KIF23: variants seen among roughly 807,000 people sequenced by gnomAD.
KIF23 encodes kinesin-like protein KIF23.
In KIF23, 30 loss-of-function variants were observed where a neutral mutation model predicts 137.5. That is an observed-to-expected ratio of 0.22 (90% CI 0.16 to 0.30). The LOEUF is 0.30. Ranked by LOEUF, KIF23 falls within the 10% of genes least tolerant of loss-of-function variation. The pLI is 1.00. For synonymous variants in KIF23, 367 were observed against 391.1 expected, an observed-to-expected ratio of 0.94 and a Z score of 0.73; for missense variants, 920 against 1,194.3, an observed-to-expected ratio of 0.77 and a Z score of 3.38.
chr15:69,430,486 T>G (rs1167024948), intron 11 of KIF23, among the ~76,000 whole-genome samples: 5 of 152,168 alleles, frequency 3.3e-5, no homozygotes, highest in Admixed American at 1.3e-4. Context: ...CTAGATTGTT[T>G]GAGTAGAGTA....
intron 19 of KIF23, 82 bp downstream of exon 19, chr15:69,441,161 T>G: frequency 1.6e-6 from 2 of 1,255,082 alleles, no homozygotes; most frequent in Non-Finnish European, 1.1e-6. Context: ...TGAAAGTTCA[T>G]TGGAAAAATG....
At chr15:69,417,285 C>A in intron 2 of KIF23, 98 bp from the exon 3 acceptor site, 1 of 1,161,896 alleles carries the variant, frequency 8.6e-7, no homozygotes, top group Non-Finnish European at 1.2e-6. Flanking sequence ...AATTGAGAGA[C>A]TGAATGTTTG....
chr15:69,444,562 A>G lies in KIF23; in HGVS notation c.2422-228A>G. The G allele has an allele frequency of 2.0e-6, 1 of 497,300 alleles. No individual in the cohort carries two copies. The highest frequency in any genetic ancestry group is 2.9e-5 in the South Asian group (1 of 35,070). 30.8% of individuals were successfully genotyped at this position (497,300 alleles called of 1,614,324 possible). A position where few individuals can be genotyped will look rare whatever the true frequency, so the allele number is the denominator to read the frequency against. Reference sequence around the variant, plus strand: ...CAGCATTACCAGAATTTTTTCTTTTATCCTTTATTGAAAGGGAAACTCCCA... The same window carrying G: ...CAGCATTACCAGAATTTTTTCTTTTGTCCTTTATTGAAAGGGAAACTCCCA... On this transcript the variant is annotated intron_variant, in intron 19 of 23. Coordinates refer to ENST00000679126, the MANE Select transcript of KIF23 (RefSeq NM_001367805.3). The surrounding 1 kb of genome is among the most constrained non-coding windows in gnomAD (Gnocchi z 4.2).
intron 19 of KIF23, 150 bp downstream of exon 19, chr15:69,441,229 C>A (rs547701470): frequency 1.3e-6 from 1 of 777,838 alleles, no homozygotes; most frequent in Admixed American, 3.1e-5. Flanking sequence ...GATTGACTTA[C>A]GGAAATTGAG....
intron 15 of KIF23, among the ~76,000 whole-genome samples, chr15:69,437,564 G>A (rs1215294514): frequency 2.0e-5 from 3 of 150,288 alleles, no homozygotes; most frequent in Non-Finnish European, 2.9e-5. Context: ...GGGTTCAAGC[G>A]ATTTTCCTGC....
At position 69,439,547 on chromosome 15, in the gene KIF23, G is replaced by T. The variant is rs539833899; in HGVS notation, c.1756-357G>T. On this transcript the variant is annotated intron_variant, in intron 16 of 23. Coordinates refer to ENST00000679126, the MANE Select transcript of KIF23 (RefSeq NM_001367805.3). ...GTATGTCTGTTCTCTCATTTACAGA[G>T]GGTCATTTAGAGGTTTGGTGGGGGT... Among the ~76,000 whole-genome samples the T allele has an allele frequency of 9.2e-5, 14 of 152,244 alleles. 1 individual carries two copies. The East Asian group carries it at 2.7e-3, about 29-fold the overall frequency.
rs112860684 is a variant in KIF23, at chr15:69,416,069, G to A, written c.81+6G>A. On this transcript the variant is annotated splice_donor_region_variant and intron_variant, in intron 2 of 23. Coordinates refer to ENST00000679126, the MANE Select transcript of KIF23 (RefSeq NM_001367805.3). ...ACCTTAAAGACCCAGTTGGGGTAAG[G>A]TATCCCTGTAAATTTATGTGTGGTG... The A allele has an allele frequency of 7.3e-4, 1,136 of 1,555,652 alleles. 6 individuals carry two copies. In the African/African-American group the frequency reaches 0.014, roughly 19 times the overall value.
At chr15:69,422,151 G>C in intron 5 of KIF23, 23 bp downstream of exon 5, 1 of 1,611,440 alleles carries the variant, frequency 6.2e-7, no homozygotes, top group Non-Finnish European at 8.5e-7. Context: ...CTTTTGTGTT[G>C]TGACTATCTT....
intron 3 of KIF23, among the ~76,000 whole-genome samples, chr15:69,419,777 G>A (rs1240678012): frequency 6.6e-6 from 1 of 152,194 alleles, no homozygotes; most frequent in Non-Finnish European, 1.5e-5. Flanking sequence ...AATGGTCTGG[G>A]AGGGTTTTTT....
chr15:69,431,474 C>T (rs1286419668), intron 11 of KIF23, among the ~76,000 whole-genome samples: 2 of 151,992 alleles, frequency 1.3e-5, no homozygotes, highest in African/African-American at 2.4e-5. Flanking sequence ...ATTAGCTGGG[C>T]GTGGTGGTGG....
intron 20 of KIF23, 65 bp from the exon 21 acceptor site, chr15:69,445,944 T>A: frequency 9.1e-7 from 1 of 1,098,410 alleles, no homozygotes; most frequent in South Asian, 1.3e-5. Flanking sequence ...CAGTTTGAAA[T>A]ATATATGTGT....
intron 16 of KIF23, among the ~76,000 whole-genome samples, chr15:69,438,844 C>G (rs1008372338): frequency 1.2e-4 from 18 of 151,968 alleles, no homozygotes; most frequent in South Asian, 4.2e-4. Context: ...GGGCTCATGC[C>G]TGTAGTCTCA....
At chr15:69,428,440 T>C (rs2057261311) in intron 10 of KIF23, among the ~76,000 whole-genome samples, 1 of 151,676 alleles carries the variant, frequency 6.6e-6, no homozygotes, top group South Asian at 2.1e-4. Flanking sequence ...GCGGATCAAC[T>C]GAGGTCAGGA....
At chr15:69,438,503 A>T in intron 16 of KIF23, 98 bp downstream of exon 16, 4 of 1,175,050 alleles carry the variant, frequency 3.4e-6, no homozygotes, top group Non-Finnish European at 4.7e-6. Context: ...AATGCTGCTT[A>T]TTAAGAGTTC....
At chr15:69,416,807 T>C (rs1291728300) in intron 2 of KIF23, among the ~76,000 whole-genome samples, 2 of 152,016 alleles carry the variant, frequency 1.3e-5, no homozygotes, top group African/African-American at 4.8e-5. Flanking sequence ...TTACAAAAAT[T>C]AGCTGGGTGT....
At chr15:69,438,913 G>A (rs540494031) in intron 16 of KIF23, among the ~76,000 whole-genome samples, 4 of 152,046 alleles carry the variant, frequency 2.6e-5, no homozygotes, top group Admixed American at 6.6e-5. Flanking sequence ...AGACCAGACC[G>A]GGCAACGTGG....
intron 19 of KIF23, among the ~76,000 whole-genome samples, chr15:69,441,591 T>C (rs1238806713): frequency 6.6e-6 from 1 of 152,180 alleles, no homozygotes; most frequent in East Asian, 1.9e-4. Flanking sequence ...GATATAGATA[T>C]GTAAACCTTT....
intron 17 of KIF23, 61 bp from the exon 18 acceptor site, chr15:69,440,247 A>G (rs2057582215): frequency 3.9e-6 from 6 of 1,545,690 alleles, no homozygotes; most frequent in Non-Finnish European, 5.2e-6. Flanking sequence ...AGATTGGGTA[A>G]TCTGGTGTAC....
At position 69,422,333 on chromosome 15, in the gene KIF23, A is replaced by G; in HGVS notation, c.461A>G (p.Lys154Arg). 6.3e-7 allele frequency: 1 copy of G among 1,576,840 alleles called. No homozygotes were observed. Among genetic ancestry groups the G allele is most frequent in the Non-Finnish European group, 8.6e-7 (1 of 1,161,250 alleles). Residue 154 changes from lysine (K) to arginine (R), a missense_variant, in exon 6 of 24, where the codon AAA becomes AGA. By Grantham distance (26) the Lys-to-Arg change is conservative. Around this residue, in one of 4 missense-constraint regions of KIF23, gnomAD observed 714 missense variants for 866.2 expected, o/e 0.82. Coordinates refer to ENST00000679126, the MANE Select transcript of KIF23 (RefSeq NM_001367805.3). ...TTTTTGCCCCCACTTCAGGTTTTCA[A>G]ATCTAATGATAGGAATAGTATGGAT... The part of the protein sequence containing the change: ...GSFQAKRYVF[K>R]SNDRNSMDIQ...
Sources: gnomAD v4.1 joint callset for allele counts (sites outside exome capture counted in the v4.1 genomes callset) on GRCh38, gnomAD v4.1.1 for gene constraint, gnomAD v4.1.1 regional missense constraint, Gnocchi (gnomAD v3.1) non-coding constraint, MANE v1.5 for transcripts, NCBI Gene and HGNC (gene_info 2026-07-23, HGNC 2026-07-21) for gene names.